MYOF: variants seen among roughly 807,000 people sequenced by gnomAD.
MYOF encodes fer-1-like 3, myoferlin.
In MYOF, 244 loss-of-function variants were observed where a neutral mutation model predicts 284.2. That is an observed-to-expected ratio of 0.86 (90% CI 0.77 to 0.95). The LOEUF (loss-of-function observed/expected upper bound fraction) is 0.95. Among genes scored for constraint, MYOF ranks in the 40% least tolerant of loss-of-function variants. MYOF has a pLI of 0.00. For synonymous variants in MYOF, 904 were observed against 919.7 expected (o/e 0.98, Z 0.31); for missense variants, 2,496 against 2,560.6 (o/e 0.97, Z 0.54).
intron 35 of MYOF, among the ~76,000 whole-genome samples, chr10:93,350,886 A>C (rs1589429388): frequency 6.6e-6 from 1 of 152,070 alleles, no homozygotes; most frequent in Non-Finnish European, 1.5e-5. Context: ...ATCTCTCAGC[A>C]TATACACCGT....
chr10:93,430,992 A>G (rs1461779255), intron 4 of MYOF, among the ~76,000 whole-genome samples: 1 of 143,002 alleles, frequency 7.0e-6, no homozygotes, highest in Admixed American at 6.9e-5. Flanking sequence ...TTTTTTACCA[A>G]TTGGTTCTGA....
chr10:93,322,475 A>AACAT (rs1293317028), intron 48 of MYOF, among the ~76,000 whole-genome samples: 2 of 152,352 alleles, frequency 1.3e-5, no homozygotes, highest in East Asian at 3.9e-4. Context: ...TACTGCACGC[A>AACAT]ACATCTATGA....
At position 93,459,920 on chromosome 10, in the gene MYOF, G is replaced by T. The variant is rs367586071; in HGVS notation, c.89-2983C>A. On this transcript the variant is annotated intron_variant, in intron 1 of 53. Coordinates refer to ENST00000359263, the MANE Select transcript of MYOF (RefSeq NM_013451.4). ...ACCCTGCTCCCATAACCGGGGCTTG[G>T]GGGGGTGGAGAACTGAGTCTCAAAG... Among the ~76,000 whole-genome samples the T allele has an allele frequency of 3.6e-4, 54 of 151,470 alleles. No individual in the cohort carries two copies. The South Asian group carries it at 4.3e-3, about 12-fold the overall frequency.
At chr10:93,424,527 C>T (rs1216091621) in intron 5 of MYOF, among the ~76,000 whole-genome samples, 1 of 152,086 alleles carries the variant, frequency 6.6e-6, no homozygotes, top group Admixed American at 6.6e-5. Flanking sequence ...GCAGCGCTCC[C>T]GCAGGGCTGA....
intron 24 of MYOF, among the ~76,000 whole-genome samples, chr10:93,371,454 C>T (rs1371697652): frequency 6.6e-6 from 1 of 152,072 alleles, no homozygotes; most frequent in Non-Finnish European, 1.5e-5. Context: ...TGAGAGAATC[C>T]AGTTATGTTT....
intron 1 of MYOF, among the ~76,000 whole-genome samples, chr10:93,479,522 T>TTTCCACCCACCTCAGCCTCCCAAA (rs2057344074): frequency 6.6e-6 from 1 of 152,222 alleles, no homozygotes; most frequent in African/African-American, 2.4e-5. Flanking sequence ...AGAAGAGTGC[T>TTTCCACCCACCTCAGCCTCCCAAA]GTGTTTGTTG....
intron 38 of MYOF, chr10:93,341,792 G>A: frequency 1.8e-6 from 1 of 549,010 alleles, no homozygotes; most frequent in South Asian, 2.0e-5. Flanking sequence ...AATCACGTTT[G>A]TTTAAAGATC....
chr10:93,367,553 C>T (rs1442447471), intron 25 of MYOF, among the ~76,000 whole-genome samples: 4 of 152,140 alleles, frequency 2.6e-5, no homozygotes, highest in Non-Finnish European at 1.5e-5. Flanking sequence ...CCTAAGGGAC[C>T]TTAAGGCTTG....
chr10:93,409,605 G>T lies in MYOF; in HGVS notation c.568C>A (p.Arg190=), dbSNP rs369478322. The change falls in exon 6 of 54, where the codon CGG becomes AGG. Residue 190 remains arginine, a synonymous_variant. Transcript: ENST00000359263. The stretch of plus-strand genomic sequence containing the variant: ...TCCTGTGGCTTATTTGACAGCATCC[G>T]CCGGCTGTTCTTTACTTTGGTGAGC... ...RRLTKVKNSR[R]MLSNKPQDFQ... is the part of the protein sequence containing the mutation. 6.2e-7 allele frequency: 1 copy of T among 1,614,042 alleles called. No individual in the cohort carries two copies. Among genetic ancestry groups the T allele is most frequent in the South Asian group, 1.1e-5 (1 of 91,082 alleles).
intron 3 of MYOF, among the ~76,000 whole-genome samples, chr10:93,436,088 A>G (rs1849105987): frequency 6.6e-6 from 1 of 152,052 alleles, no homozygotes; most frequent in Non-Finnish European, 1.5e-5. Flanking sequence ...AATTCACACA[A>G]GAGTGTCAGG....
chr10:93,354,175 A>C (rs1223301683), intron 31 of MYOF, among the ~76,000 whole-genome samples: 1 of 152,142 alleles, frequency 6.6e-6, no homozygotes, highest in Non-Finnish European at 1.5e-5. Context: ...AGGAGTTAGG[A>C]GACCAGCCTG....
intron 42 of MYOF, among the ~76,000 whole-genome samples, 175 bp downstream of exon 42, chr10:93,333,583 C>A (rs1055986784): frequency 3.3e-5 from 5 of 152,146 alleles, no homozygotes; most frequent in Non-Finnish European, 7.4e-5. Context: ...TTAAGCCCCC[C>A]GCAAGCTCTT....
chr10:93,333,739 C>G lies in MYOF; in HGVS notation c.4719+19G>C. 6.2e-7 allele frequency: 1 copy of G among 1,611,858 alleles called. No homozygotes were observed. The highest frequency in any genetic ancestry group is 1.1e-5 in the South Asian group (1 of 90,926). On this transcript the variant is annotated intron_variant, in intron 42 of 53. Coordinates refer to ENST00000359263, the MANE Select transcript of MYOF (RefSeq NM_013451.4). The stretch of plus-strand genomic sequence containing the variant: ...TAATTATCTTGCTACAGGAGAAGGC[C>G]CCACACCCAAACTCTTACCAGGCCA...
At chr10:93,413,481 GA>G (rs899471838) in intron 5 of MYOF, among the ~76,000 whole-genome samples, 1 of 152,216 alleles carries the variant, frequency 6.6e-6, no homozygotes, top group African/African-American at 2.4e-5. Context: ...TGTCATGAGT[GA>G]AATGCTAGCA....
In MYOF at chr10:93,312,876, C is replaced by T. The variant is rs959082265; in HGVS notation, c.5889+144G>A. On this transcript the variant is annotated intron_variant, in intron 51 of 53. Coordinates refer to ENST00000359263, the MANE Select transcript of MYOF (RefSeq NM_013451.4). ...TTGTAAGACAAAGGCAAACATATCC[C>T]AAAGACAAACTGTTCCCATAACTTA... is the stretch of plus-strand genomic sequence containing the variant. 4 of 856,956 alleles carry T rather than the reference C, an allele frequency of 4.7e-6. No homozygotes were observed. The African/African-American group carries it at 6.8e-5, about 15-fold the overall frequency. The allele number at this position is 856,956 out of a possible 1,614,324, so 53.1% of individuals were successfully genotyped here.
intron 41 of MYOF, 76 bp downstream of exon 41, chr10:93,335,845 C>G: frequency 6.5e-7 from 1 of 1,535,840 alleles, no homozygotes; most frequent in Non-Finnish European, 8.8e-7. Flanking sequence ...TCCCTAGAGC[C>G]TGGTTGTCCT....
At chr10:93,359,765 T>C in intron 29 of MYOF, 68 bp downstream of exon 29, 1 of 1,591,194 alleles carries the variant, frequency 6.3e-7, no homozygotes, top group Non-Finnish European at 8.6e-7. Flanking sequence ...AAATGGCTAG[T>C]TAGCTGGGAC....
chr10:93,348,347 T>G (rs1358696545), intron 36 of MYOF, among the ~76,000 whole-genome samples: 1 of 152,216 alleles, frequency 6.6e-6, no homozygotes, highest in Non-Finnish European at 1.5e-5. Context: ...AATGGATTGC[T>G]ACTTTCTCCT....
At chr10:93,365,978 G>A (rs1845306545) in intron 26 of MYOF, among the ~76,000 whole-genome samples, 1 of 152,180 alleles carries the variant, frequency 6.6e-6, no homozygotes, top group Non-Finnish European at 1.5e-5. Context: ...CATTGCTATT[G>A]CTGTGGGCAA....
Sources: gnomAD v4.1 joint callset for allele counts (sites outside exome capture counted in the v4.1 genomes callset) on GRCh38, gnomAD v4.1.1 for gene constraint, MANE v1.5 for transcripts, NCBI Gene and HGNC (gene_info 2026-07-23, HGNC 2026-07-21) for gene names.